Variants in CNTN5 observed in about 807,000 individuals in gnomAD.
CNTN5 encodes contactin-5.
A neutral mutation model predicts 129.1 loss-of-function variants in CNTN5; 77 were observed. The ratio of observed to expected loss-of-function variants is 0.60; its 90% confidence interval spans 0.50 to 0.72. The LOEUF (loss-of-function observed/expected upper bound fraction) is 0.72. CNTN5 is among the 30% of genes least tolerant of loss of function. The pLI is 0.00. For missense variants in CNTN5, 1,478 were observed against 1,328.8 expected, an observed-to-expected ratio of 1.11 and a Z score of -1.75; for synonymous variants, 509 against 465.6, an observed-to-expected ratio of 1.09 and a Z score of -1.20.
chr11:99,870,278 A>G (rs1372227), intron 6 of CNTN5, among the ~76,000 whole-genome samples: 122,890 of 151,934 alleles, frequency 0.81, 49,890 homozygotes, highest in East Asian at 0.91. Flanking sequence ...ACAGTGTGAA[A>G]GTAATTTTGT....
chr11:100,314,908 T>C lies in CNTN5; in HGVS notation c.2730+6440T>C, dbSNP rs372068476. Among the ~76,000 whole-genome samples the C allele has an allele frequency of 5.3e-5, 8 of 152,296 alleles. No homozygotes were observed. In the East Asian group the frequency reaches 1.4e-3, roughly 26 times the overall value. Reference sequence around the variant, plus strand: ...TTCTGTATGTTTCATTTGAATCTCATTTATTATTTATTTAACTAGTATTTA... The same window carrying C: ...TTCTGTATGTTTCATTTGAATCTCACTTATTATTTATTTAACTAGTATTTA... On this transcript the variant is annotated intron_variant, in intron 21 of 24. Coordinates refer to ENST00000524871, the MANE Select transcript of CNTN5 (RefSeq NM_014361.4).
At chr11:99,286,296 G>A (rs920827540) in intron 1 of CNTN5, among the ~76,000 whole-genome samples, 6 of 152,056 alleles carry the variant, frequency 3.9e-5, no homozygotes, top group African/African-American at 1.4e-4. Context: ...CTATTATTCA[G>A]ATTGCTGTTA....
At chr11:99,219,703 C>T (rs924379883) in intron 1 of CNTN5, among the ~76,000 whole-genome samples, 1 of 149,902 alleles carries the variant, frequency 6.7e-6, no homozygotes, top group Non-Finnish European at 1.5e-5. Context: ...GAGCAGAAAA[C>T]TGACATGGTC....
intron 21 of CNTN5, among the ~76,000 whole-genome samples, chr11:100,316,437 T>C (rs1319950720): frequency 6.6e-6 from 1 of 152,122 alleles, no homozygotes; most frequent in African/African-American, 2.4e-5. Flanking sequence ...AAGAAATACG[T>C]TGGAACAATA....
intron 6 of CNTN5, among the ~76,000 whole-genome samples, chr11:99,860,223 G>A (rs954608289): frequency 2.0e-5 from 3 of 151,854 alleles, no homozygotes. Context: ...TTTGTCTGAG[G>A]TGTAGTATAC....
chr11:99,382,844 A>ATTTTTTTTTTTTT lies in CNTN5; in HGVS notation c.-71+57360_-71+57361insTTTTTTTTTTTTT, dbSNP rs774797660. On this transcript the variant is annotated intron_variant, in intron 2 of 24. Transcript: ENST00000524871. Reference sequence around the variant, plus strand: ...CACATCTCACTAGTGTCTCTAAATAACTTTTTTTTTTTTTTTTTTTTTTTT... The same window carrying ATTTTTTTTTTTTT: ...CACATCTCACTAGTGTCTCTAAATAATTTTTTTTTTTTTCTTTTTTTTTTTTTTTTTTTTTTTT... 1.6e-3 allele frequency among the ~76,000 whole-genome samples: 111 copies of ATTTTTTTTTTTTT among 69,372 alleles called. 10 individuals carry two copies. Among genetic ancestry groups the ATTTTTTTTTTTTT allele is most frequent in the African/African-American group, 4.6e-3 (65 of 13,996 alleles). 45.5% of individuals were successfully genotyped at this position (69,372 alleles called of 152,430 possible).
chr11:99,598,802 T>C (rs1950225035), intron 3 of CNTN5, among the ~76,000 whole-genome samples: 1 of 151,990 alleles, frequency 6.6e-6, no homozygotes, highest in Non-Finnish European at 1.5e-5. Context: ...TTAGGACTTT[T>C]ACAGTAGGGA....
chr11:99,628,611 G>GACACACACAC (rs10607009), intron 3 of CNTN5, among the ~76,000 whole-genome samples: 296 of 147,244 alleles, frequency 2.0e-3, no homozygotes, highest in Middle Eastern at 6.8e-3. Context: ...GCTAAATAAT[G>GACACACACAC]ACACACACAC....
At chr11:99,099,692 T>A (rs1866632368) in intron 1 of CNTN5, among the ~76,000 whole-genome samples, 1 of 152,160 alleles carries the variant, frequency 6.6e-6, no homozygotes, top group Admixed American at 6.5e-5. Context: ...CTTGAAATTG[T>A]GGTGTCCCAG....
At chr11:99,174,279 A>G (rs1440089458) in intron 1 of CNTN5, among the ~76,000 whole-genome samples, 1 of 152,174 alleles carries the variant, frequency 6.6e-6, no homozygotes, top group Admixed American at 6.6e-5. Flanking sequence ...GATTACAGGC[A>G]TGAGGACTAC....
chr11:99,178,293 T>C (rs1334624070), intron 1 of CNTN5, among the ~76,000 whole-genome samples: 1 of 148,502 alleles, frequency 6.7e-6, no homozygotes, highest in African/African-American at 2.5e-5. Flanking sequence ...CCAGTCTCAG[T>C]AACAGAGTGA....
At chr11:99,514,623 A>T (rs1946973915) in intron 2 of CNTN5, among the ~76,000 whole-genome samples, 1 of 152,114 alleles carries the variant, frequency 6.6e-6, no homozygotes, top group Admixed American at 6.6e-5. Flanking sequence ...CCATTTGCCA[A>T]AGGCTCAGAT....
At chr11:99,440,443 T>C (rs544879257) in intron 2 of CNTN5, among the ~76,000 whole-genome samples, 52 of 152,046 alleles carry the variant, frequency 3.4e-4, no homozygotes, top group African/African-American at 1.3e-3. Context: ...ATTAAGGGAA[T>C]ATTTGTATAC....
intron 8 of CNTN5, among the ~76,000 whole-genome samples, chr11:99,997,533 A>T (rs912608047): frequency 6.6e-6 from 1 of 152,218 alleles, no homozygotes; most frequent in African/African-American, 2.4e-5. Flanking sequence ...AACCAAAAAG[A>T]GCCCAGGACG....
intron 3 of CNTN5, among the ~76,000 whole-genome samples, chr11:99,668,638 C>T (rs937432611): frequency 1.3e-5 from 2 of 152,126 alleles, no homozygotes; most frequent in African/African-American, 4.8e-5. Flanking sequence ...TTTCATATAA[C>T]CATTATCTGT....
intron 2 of CNTN5, among the ~76,000 whole-genome samples, chr11:99,432,852 A>G (rs891252791): frequency 1.5e-4 from 23 of 152,066 alleles, no homozygotes; most frequent in Admixed American, 1.5e-3. Context: ...ATTAGCGTGA[A>G]GGCTGTTATG....
chr11:100,077,090 AC>A (rs764452334), intron 13 of CNTN5, among the ~76,000 whole-genome samples: 30 of 152,190 alleles, frequency 2.0e-4, no homozygotes, highest in Non-Finnish European at 4.0e-4. Flanking sequence ...AGTCTCAGTT[AC>A]AATGACAACT....
chr11:100,079,265 C>G (rs755262514), intron 13 of CNTN5, among the ~76,000 whole-genome samples: 181 of 152,240 alleles, frequency 1.2e-3, no homozygotes, highest in Non-Finnish European at 1.7e-3. Flanking sequence ...TACTGGCATC[C>G]ATTTCTGTTA....
At chr11:99,664,698 G>A (rs1406529830) in intron 3 of CNTN5, among the ~76,000 whole-genome samples, 1 of 152,078 alleles carries the variant, frequency 6.6e-6, no homozygotes, top group Admixed American at 6.6e-5. Context: ...ACAAGTTGAG[G>A]AATTTATATT....
Sources: gnomAD v4.1 joint callset for allele counts (sites outside exome capture counted in the v4.1 genomes callset) on GRCh38, gnomAD v4.1.1 for gene constraint, MANE v1.5 for transcripts, NCBI Gene and HGNC (gene_info 2026-07-23, HGNC 2026-07-21) for gene names.